GRHL2: variants seen among roughly 807,000 people sequenced by gnomAD.
GRHL2 encodes the protein grainyhead like transcription factor 2, also known as grainyhead-like protein 2 homolog.
In GRHL2, 21 loss-of-function variants were observed where a neutral mutation model predicts 83.8. The ratio of observed to expected loss-of-function variants is 0.25; its 90% CI spans 0.18 to 0.36. The LOEUF (loss-of-function observed/expected upper bound fraction) is 0.36. GRHL2 is among the 10% of genes least tolerant of loss of function. The pLI, the probability that GRHL2 is intolerant of heterozygous loss-of-function variation, is 1.00. For missense variants in GRHL2, 623 were observed against 781.8 expected (o/e 0.80, Z 2.42); for synonymous variants, 280 against 278.9 (o/e 1.00, Z -0.04).
downstream of GRHL2, among the ~76,000 whole-genome samples, chr8:101,674,643 G>A (rs1297921061): frequency 6.6e-6 from 1 of 152,134 alleles, no homozygotes; most frequent in Non-Finnish European, 1.5e-5. Context: ...GGAGGAGCTG[G>A]TACCATTTCT....
At chr8:101,622,978 T>C (rs1381282375) in intron 9 of GRHL2, among the ~76,000 whole-genome samples, 1 of 152,218 alleles carries the variant, frequency 6.6e-6, no homozygotes, top group Admixed American at 6.5e-5. Flanking sequence ...AGAGTAATAG[T>C]CTCCAATCTT....
chr8:101,552,950 T>G (rs750467012), intron 3 of GRHL2, among the ~76,000 whole-genome samples, 168 bp downstream of exon 3: 14 of 152,184 alleles, frequency 9.2e-5, no homozygotes, highest in Non-Finnish European at 1.2e-4. Flanking sequence ...GAGAGCAAAT[T>G]GCATGTTTGG....
chr8:101,627,986 G>A (rs1478909224), intron 9 of GRHL2, among the ~76,000 whole-genome samples: 1 of 152,148 alleles, frequency 6.6e-6, no homozygotes, highest in African/African-American at 2.4e-5. Context: ...TTCAAGCAAA[G>A]AAACCATCTC....
rs1323329293 is a variant in GRHL2, at chr8:101,669,629, A to C, written c.*2926A>C. On this transcript the variant is annotated 3_prime_UTR_variant, in exon 16 of 16. Transcript: ENST00000646743. ...GTAAATGTAACTTAATAGTTTTGTA[A>C]ATGGGAGAGGGGGAATCTATAAACT... The C allele has an allele frequency of 6.6e-6, 1 of 152,472 alleles. No homozygotes were observed. The highest frequency in any genetic ancestry group is 2.4e-5 in the African/African-American group (1 of 41,340). 9.4% of individuals were successfully genotyped at this position (152,472 alleles called of 1,614,324 possible). A position where few individuals can be genotyped will look rare whatever the true frequency, so the allele number is the denominator to read the frequency against.
At chr8:101,584,606 T>G (rs887863509) in intron 7 of GRHL2, among the ~76,000 whole-genome samples, 4 of 152,226 alleles carry the variant, frequency 2.6e-5, no homozygotes, top group Admixed American at 6.5e-5. Flanking sequence ...AAAAAGAGTT[T>G]TTTTTATTTG....
At chr8:101,676,979 C>T in the GRHL2 span, among the ~76,000 whole-genome samples, 1 of 151,820 alleles carries the variant, frequency 6.6e-6, no homozygotes, top group South Asian at 2.1e-4. Flanking sequence ...ACAAACACCA[C>T]ATATTCTCAC....
Position 101,652,615 on chromosome 8 carries a change from T to G in GRHL2, c.1698+3116T>G, listed in dbSNP as rs3029402. On this transcript the variant is annotated intron_variant, in intron 14 of 15. Transcript: ENST00000646743. ...GTGTGTGTGTGGTGTGTGTGTGTGG[T>G]GTGTGTGTGTGTGTACTATACAGAC... 5.1e-3 allele frequency among the ~76,000 whole-genome samples: 611 copies of G among 120,132 alleles called. 15 individuals carry two copies. The highest frequency in any genetic ancestry group is 0.038 in the Middle Eastern group (9 of 234). The allele number at this position is 120,132 out of a possible 152,430, so 78.8% of individuals were successfully genotyped here. A position where few individuals can be genotyped will look rare whatever the true frequency, so the allele number is the denominator to read the frequency against.
chr8:101,616,129 T>TTTTC (rs1045461500), intron 8 of GRHL2, among the ~76,000 whole-genome samples: 2 of 150,492 alleles, frequency 1.3e-5, no homozygotes, highest in African/African-American at 2.4e-5. Context: ...CTTTCTTTCT[T>TTTTC]TTTCTTTCTT....
At chr8:101,515,403 C>G (rs1240802354) in intron 1 of GRHL2, among the ~76,000 whole-genome samples, 2 of 152,190 alleles carry the variant, frequency 1.3e-5, no homozygotes, top group African/African-American at 4.8e-5. Context: ...TACAGGTTTA[C>G]TTAAGTCACG....
chr8:101,628,131 C>T (rs929043835), intron 9 of GRHL2, among the ~76,000 whole-genome samples: 5 of 152,214 alleles, frequency 3.3e-5, no homozygotes, highest in Admixed American at 6.5e-5. Context: ...AACAAACAGC[C>T]TTCTATTGGG....
intron 9 of GRHL2, among the ~76,000 whole-genome samples, chr8:101,629,496 T>C (rs1350810707): frequency 6.6e-6 from 1 of 152,120 alleles, no homozygotes; most frequent in Non-Finnish European, 1.5e-5. Flanking sequence ...CCACAGTACC[T>C]CTGAGGTATG....
chr8:101,643,758 G>A (rs1679660118), intron 12 of GRHL2, among the ~76,000 whole-genome samples: 1 of 152,262 alleles, frequency 6.6e-6, no homozygotes, highest in Admixed American at 6.5e-5. Context: ...CTGGTTGGGA[G>A]GGGACGATGT....
intron 4 of GRHL2, among the ~76,000 whole-genome samples, chr8:101,561,542 A>T (rs1220582766): frequency 6.6e-6 from 1 of 152,244 alleles, no homozygotes; most frequent in Non-Finnish European, 1.5e-5. Flanking sequence ...TAAACCAAGC[A>T]GGAAATACTA....
intron 15 of GRHL2, 71 bp downstream of exon 15, chr8:101,664,589 G>A (rs1027492086): frequency 8.9e-7 from 1 of 1,120,056 alleles, no homozygotes; most frequent in African/African-American, 1.5e-5. Context: ...AAAATAAAAT[G>A]ATGCCTGTCT....
chr8:101,525,288 G>C (rs1469703424), intron 1 of GRHL2, among the ~76,000 whole-genome samples: 1 of 152,038 alleles, frequency 6.6e-6, no homozygotes, highest in Admixed American at 6.6e-5. Context: ...TTCTAGAGCA[G>C]TGCTTCTCAA....
At chr8:101,533,000 A>T (rs1345049494) in intron 1 of GRHL2, among the ~76,000 whole-genome samples, 1 of 152,200 alleles carries the variant, frequency 6.6e-6, no homozygotes, top group Non-Finnish European at 1.5e-5. Context: ...AATGATGGAC[A>T]ACAGGTAGAC....
At chr8:101,670,936 T>C (rs1255346473), downstream of GRHL2, among the ~76,000 whole-genome samples, 1 of 152,046 alleles carries the variant, frequency 6.6e-6, no homozygotes, top group Non-Finnish European at 1.5e-5. Flanking sequence ...AAAAGGATAG[T>C]GATCTGGAAA....
In GRHL2 at chr8:101,528,243, A is replaced by C. The variant is rs180851502; in HGVS notation, c.21-14998A>C. The stretch of plus-strand genomic sequence containing the variant: ...CTTATGATTTTTTGTTTGTTTAAAA[A>C]CTGGACAATGCTTTGATTGCTCAGT... On this transcript the variant is annotated intron_variant, in intron 1 of 15. Coordinates refer to ENST00000646743, the MANE Select transcript of GRHL2 (RefSeq NM_024915.4). 2.0e-3 allele frequency among the ~76,000 whole-genome samples: 300 copies of C among 152,214 alleles called. 1 individual carries two copies. The highest frequency in any genetic ancestry group is 6.6e-3 in the African/African-American group (276 of 41,548).
chr8:101,574,826 A>G (rs959272467), intron 6 of GRHL2, among the ~76,000 whole-genome samples: 1 of 152,236 alleles, frequency 6.6e-6, no homozygotes, highest in African/African-American at 2.4e-5. Flanking sequence ...AACAATTTAT[A>G]TTTATTATCT....
Sources: gnomAD v4.1 joint callset for allele counts (sites outside exome capture counted in the v4.1 genomes callset) on GRCh38, gnomAD v4.1.1 for gene constraint, MANE v1.5 for transcripts, NCBI Gene and HGNC (gene_info 2026-07-23, HGNC 2026-07-21) for gene names.